KCNMA1: variants seen among roughly 807,000 people sequenced by gnomAD.
KCNMA1 encodes Calcium-activated potassium channel subunit alpha-1.
In KCNMA1, 29 loss-of-function variants were observed where a neutral mutation model predicts 140.0. The ratio of observed to expected loss-of-function variants is 0.21; its 90% CI spans 0.15 to 0.28. KCNMA1 has a LOEUF of 0.28. KCNMA1 is among the 10% of genes least tolerant of loss of function. KCNMA1 has a pLI of 1.00. For missense variants in KCNMA1, 880 were observed against 1,602.2 expected, an observed-to-expected ratio of 0.55 and a Z score of 7.70; for synonymous variants, 612 against 611.9, an observed-to-expected ratio of 1.00 and a Z score of 0.00.
chr10:77,474,640 T>C (rs1041695001), intron 1 of KCNMA1, among the ~76,000 whole-genome samples: 2 of 149,862 alleles, frequency 1.3e-5, no homozygotes, highest in African/African-American at 4.9e-5. Context: ...TTCCACATTC[T>C]TTTTTTTTTC....
intron 20 of KCNMA1, among the ~76,000 whole-genome samples, chr10:76,963,004 A>G (rs2072328339): frequency 6.6e-6 from 1 of 152,226 alleles, no homozygotes; most frequent in Non-Finnish European, 1.5e-5. Flanking sequence ...TGCTATAAAA[A>G]GGGCATTGTG....
At position 77,026,001 on chromosome 10, in the gene KCNMA1, AT is replaced by A. The variant is rs1565619686; in HGVS notation, c.1928+1821del. Among the ~76,000 whole-genome samples, 1,061 of 126,458 alleles carry A rather than the reference AT, an allele frequency of 8.4e-3. 18 individuals carry two copies. Among genetic ancestry groups the A allele is most frequent in the African/African-American group, 0.028 (968 of 34,382 alleles). The allele number at this position is 126,458 out of a possible 152,430, so 83.0% of individuals were successfully genotyped here. Reference sequence around the variant, plus strand: ...GCCCTTTTCTGAAGAAAAAAAAAATATATATATATATATATATACTAAAAAC... The same window carrying A: ...GCCCTTTTCTGAAGAAAAAAAAAATAATATATATATATATATACTAAAAAC... On this transcript the variant is annotated intron_variant, in intron 16 of 27. Transcript: ENST00000286628.
At chr10:76,977,673 G>T in intron 19 of KCNMA1, 1 of 702,602 alleles carries the variant, frequency 1.4e-6, no homozygotes, top group Non-Finnish European at 2.6e-6. Flanking sequence ...AGAAATACCC[G>T]TGGAGCCCAC....
At chr10:76,960,293 A>G (rs1435289480) in intron 20 of KCNMA1, among the ~76,000 whole-genome samples, 1 of 152,176 alleles carries the variant, frequency 6.6e-6, no homozygotes, top group Non-Finnish European at 1.5e-5. Context: ...TAATCTCAGC[A>G]TTTTGGAGGG....
chr10:77,129,143 A>G (rs1366831777), intron 5 of KCNMA1, among the ~76,000 whole-genome samples: 2 of 152,180 alleles, frequency 1.3e-5, no homozygotes, highest in South Asian at 2.1e-4. Context: ...GGTTCAGAAT[A>G]TATTTTCTTT....
chr10:77,434,420 C>G (rs372423975), intron 1 of KCNMA1, among the ~76,000 whole-genome samples: 13 of 152,292 alleles, frequency 8.5e-5, no homozygotes, highest in African/African-American at 3.1e-4. Flanking sequence ...AGAACACCAT[C>G]CCTGAGAGAA....
chr10:77,527,737 T>G (rs1603633026), intron 1 of KCNMA1, among the ~76,000 whole-genome samples: 1 of 150,306 alleles, frequency 6.7e-6, no homozygotes. Context: ...TGGTGGGGAG[T>G]GAGGAGGAGG....
intron 5 of KCNMA1, among the ~76,000 whole-genome samples, chr10:77,135,804 C>A (rs1184448056): frequency 1.3e-5 from 2 of 151,846 alleles, no homozygotes; most frequent in African/African-American, 2.4e-5. Context: ...GGGGCTGGGG[C>A]GGTTGGAGGG....
chr10:76,884,945 C>A lies in KCNMA1; in HGVS notation c.*2321G>T, dbSNP rs201433846. ...ACAAGGACAACGTTATAGAAGAAAA[C>A]CCCCAGCAGTGGCTAGGTCATGCAG... On this transcript the variant is annotated 3_prime_UTR_variant, in exon 28 of 28. Transcript: ENST00000286628. 68 of 1,524,440 alleles carry A rather than the reference C, an allele frequency of 4.5e-5. No homozygotes were observed. The highest frequency in any genetic ancestry group is 5.8e-5 in the Non-Finnish European group (66 of 1,136,304). 94.4% of individuals were successfully genotyped at this position (1,524,440 alleles called of 1,614,324 possible).
At chr10:77,073,990 G>C (rs888178818) in intron 13 of KCNMA1, among the ~76,000 whole-genome samples, 1 of 152,188 alleles carries the variant, frequency 6.6e-6, no homozygotes. Flanking sequence ...GCATGAAGCA[G>C]AGAGTCATAG....
chr10:77,396,091 A>G (rs560267633), intron 2 of KCNMA1, among the ~76,000 whole-genome samples: 1 of 152,344 alleles, frequency 6.6e-6, no homozygotes, highest in Admixed American at 6.5e-5. Context: ...TGGTTCCTTT[A>G]AACAGAAGCC....
At chr10:77,161,417 T>C (rs1416662742) in intron 5 of KCNMA1, among the ~76,000 whole-genome samples, 2 of 151,942 alleles carry the variant, frequency 1.3e-5, no homozygotes, top group African/African-American at 4.8e-5. Context: ...CCAACTACTT[T>C]TTTTTTTTGT....
At chr10:76,902,989 C>T (rs1430252198) in intron 25 of KCNMA1, 1 of 152,206 alleles carries the variant, frequency 6.6e-6, no homozygotes, top group Non-Finnish European at 1.5e-5. Context: ...AGAGCTGGCT[C>T]AGAACACAAG....
intron 5 of KCNMA1, among the ~76,000 whole-genome samples, chr10:77,137,149 G>A (rs1437573485): frequency 6.6e-6 from 1 of 152,050 alleles, no homozygotes; most frequent in Middle Eastern, 3.2e-3. Context: ...CAGGGTTCCT[G>A]TGATCCCCAG....
At chr10:77,366,543 A>G (rs1380957673) in intron 2 of KCNMA1, among the ~76,000 whole-genome samples, 1 of 152,232 alleles carries the variant, frequency 6.6e-6, no homozygotes, top group Admixed American at 6.5e-5. Flanking sequence ...ACAAATTGCA[A>G]TAACATTAAG....
intron 1 of KCNMA1, among the ~76,000 whole-genome samples, chr10:77,561,688 C>T (rs959283624): frequency 1.3e-5 from 2 of 152,178 alleles, no homozygotes; most frequent in Non-Finnish European, 2.9e-5. Flanking sequence ...TCACAAGGGG[C>T]ACCATTGGCT....
chr10:77,415,784 G>C (rs913429953), intron 1 of KCNMA1, among the ~76,000 whole-genome samples: 3 of 152,220 alleles, frequency 2.0e-5, no homozygotes, highest in African/African-American at 7.2e-5. Flanking sequence ...CCACAGGGCA[G>C]TGCTGCCCCT....
chr10:77,002,676 G>A (rs968400801), intron 18 of KCNMA1, among the ~76,000 whole-genome samples: 3 of 152,150 alleles, frequency 2.0e-5, no homozygotes, highest in Admixed American at 6.5e-5. Context: ...AGTCAGCATC[G>A]TAGTTTCCAA....
intron 14 of KCNMA1, among the ~76,000 whole-genome samples, chr10:77,066,567 G>A (rs1362131811): frequency 1.3e-5 from 2 of 152,094 alleles, no homozygotes; most frequent in South Asian, 2.1e-4. Context: ...CGGTGACGCC[G>A]GGTTCAGGGG....
Sources: allele counts gnomAD v4.1 joint callset (sites outside exome capture counted in the v4.1 genomes callset), GRCh38; gene constraint gnomAD v4.1.1; transcripts MANE v1.5; gene names NCBI Gene and HGNC (gene_info 2026-07-23, HGNC 2026-07-21).